GAB4: variants seen among roughly 807,000 people sequenced by gnomAD.
The protein encoded by GAB4 is GRB2-associated-binding protein 4.
A neutral mutation model predicts 51.3 loss-of-function variants in GAB4; 26 were observed. The ratio of observed to expected loss-of-function variants is 0.51; its 90% confidence interval spans 0.37 to 0.70. The LOEUF (loss-of-function observed/expected upper bound fraction) is 0.70. Ranked by LOEUF, GAB4 falls within the 30% of genes least tolerant of loss-of-function variation. The probability of loss-of-function intolerance (pLI) is 0.00; values close to 1 mark genes in which losing one functional copy is unlikely to be tolerated. For missense variants in GAB4, 759 were observed against 734.6 expected, an observed-to-expected ratio of 1.03 and a Z score of -0.38; for synonymous variants, 329 against 291.2, an observed-to-expected ratio of 1.13 and a Z score of -1.32.
At chr22:16,971,344 C>T (rs1314471819) in intron 3 of GAB4, among the ~76,000 whole-genome samples, 5 of 152,328 alleles carry the variant, frequency 3.3e-5, no homozygotes, top group African/African-American at 9.6e-5. Context: ...ACCCCAGACA[C>T]GACCCAGCGT....
chr22:16,990,391 C>T (rs2060904181), intron 2 of GAB4, among the ~76,000 whole-genome samples: 1 of 152,136 alleles, frequency 6.6e-6, no homozygotes, highest in African/African-American at 2.4e-5. Flanking sequence ...GTGTGTAACA[C>T]AGTAAGTATG....
At chr22:16,987,832 A>G (rs1490702688) in intron 3 of GAB4, 128 bp downstream of exon 3, 2 of 687,886 alleles carry the variant, frequency 2.9e-6, no homozygotes, top group African/African-American at 1.8e-5. Context: ...ATGTTGTTAT[A>G]TATGTTTGCT....
chr22:16,962,490 C>T lies in GAB4; in HGVS notation c.*243G>A, dbSNP rs574306376. 1.3e-4 allele frequency: 48 copies of T among 370,334 alleles called. 1 individual carries two copies. In the Middle Eastern group the frequency reaches 2.9e-3, roughly 22 times the overall value. 22.9% of individuals were successfully genotyped at this position (370,334 alleles called of 1,614,324 possible). On this transcript the variant is annotated 3_prime_UTR_variant, in exon 10 of 10. Coordinates refer to ENST00000400588, the MANE Select transcript of GAB4 (RefSeq NM_001037814.1). ...TGAGAGTGGAAATCTGTTGGGAGCC[C>T]GGGTCTGAGGGGCAGGAAGAGACTG...
chr22:17,005,548 A>G (rs1186329804), intron 1 of GAB4, among the ~76,000 whole-genome samples: 1 of 152,236 alleles, frequency 6.6e-6, no homozygotes, highest in African/African-American at 2.4e-5. Flanking sequence ...AGCCAAGACA[A>G]TCCTAAGCAA....
At chr22:16,989,727 C>T (rs1460580395) in intron 2 of GAB4, among the ~76,000 whole-genome samples, 1 of 152,208 alleles carries the variant, frequency 6.6e-6, no homozygotes, top group Non-Finnish European at 1.5e-5. Flanking sequence ...AGGGTGCAGC[C>T]TGGGAAGCTC....
chr22:16,962,305 C>A lies in GAB4; in HGVS notation c.*428G>T, dbSNP rs2060635944. 1 of 156,786 alleles carries A rather than the reference C, an allele frequency of 6.4e-6. No homozygotes were observed. The highest frequency in any genetic ancestry group is 2.4e-5 in the African/African-American group (1 of 41,654). The allele number at this position is 156,786 out of a possible 1,614,324, so 9.7% of individuals were successfully genotyped here. On this transcript the variant is annotated 3_prime_UTR_variant, in exon 10 of 10. Transcript: ENST00000400588. ...ACTATTCCAACGTTTGATGGCCTTG[C>A]CTCTCCCCTGACCAAAAAATGCCAG...
intron 2 of GAB4, among the ~76,000 whole-genome samples, chr22:16,990,537 C>A (rs1403419595): frequency 2.0e-5 from 3 of 152,064 alleles, no homozygotes; most frequent in South Asian, 2.1e-4. Flanking sequence ...CCCACTAACC[C>A]TGTCCTGTCA....
At chr22:17,001,046 A>C (rs1224309599) in intron 1 of GAB4, among the ~76,000 whole-genome samples, 2 of 152,126 alleles carry the variant, frequency 1.3e-5, no homozygotes, top group Non-Finnish European at 2.9e-5. Context: ...GGGTAATCTG[A>C]CCTTTCTCTC....
intron 1 of GAB4, among the ~76,000 whole-genome samples, chr22:16,999,052 T>C (rs932254521): frequency 3.9e-5 from 6 of 152,366 alleles, no homozygotes; most frequent in African/African-American, 1.4e-4. Flanking sequence ...CACTATTTTA[T>C]TGAGCATTTT....
intron 3 of GAB4, among the ~76,000 whole-genome samples, chr22:16,985,648 T>C (rs1442766070): frequency 6.6e-6 from 1 of 152,256 alleles, no homozygotes; most frequent in Non-Finnish European, 1.5e-5. Context: ...AACTTTTCTG[T>C]AGAAACTACA....
At chr22:17,001,704 C>T (rs529217081) in intron 1 of GAB4, among the ~76,000 whole-genome samples, 12 of 152,280 alleles carry the variant, frequency 7.9e-5, no homozygotes, top group Middle Eastern at 3.4e-3. Flanking sequence ...TGCTTTCCTT[C>T]GGAGGAGAAG....
chr22:16,969,857 G>A, intron 4 of GAB4, 86 bp downstream of exon 4: 2 of 1,482,378 alleles, frequency 1.3e-6, no homozygotes, highest in Non-Finnish European at 1.9e-6. Context: ...CTGAGAGTGG[G>A]GTGGCCGGAA....
At chr22:16,998,851 G>C (rs757684421) in intron 1 of GAB4, among the ~76,000 whole-genome samples, 1 of 152,130 alleles carries the variant, frequency 6.6e-6, no homozygotes, top group Admixed American at 6.6e-5. Context: ...TAGCATGAAG[G>C]GCTGTTGAAT....
chr22:16,975,352 G>A (rs1416387486), intron 3 of GAB4, among the ~76,000 whole-genome samples: 6 of 152,188 alleles, frequency 3.9e-5, no homozygotes, highest in Admixed American at 2.6e-4. Flanking sequence ...ACTGAGGCAT[G>A]AATAGGCGGT....
At chr22:16,999,773 C>T (rs2060981279) in intron 1 of GAB4, among the ~76,000 whole-genome samples, 1 of 152,184 alleles carries the variant, frequency 6.6e-6, no homozygotes. Context: ...CTCTTGTGGG[C>T]ATTTAGTGCT....
At chr22:16,966,541 C>A in intron 5 of GAB4, 177 bp from the exon 6 acceptor site, 1 of 667,566 alleles carries the variant, frequency 1.5e-6, no homozygotes, top group East Asian at 2.7e-5. Flanking sequence ...AGAAGTGCCC[C>A]AGCCAGGAAC....
intron 3 of GAB4, among the ~76,000 whole-genome samples, chr22:16,977,917 T>C (rs1447615769): frequency 4.6e-5 from 7 of 152,152 alleles, no homozygotes; most frequent in Non-Finnish European, 1.0e-4. Flanking sequence ...AACAACCTGT[T>C]CCTGAATTTA....
At chr22:16,993,487 CT>C (rs2060929115) in intron 1 of GAB4, among the ~76,000 whole-genome samples, 1 of 152,198 alleles carries the variant, frequency 6.6e-6, no homozygotes, top group Non-Finnish European at 1.5e-5. Flanking sequence ...CCTTTTACCC[CT>C]GTTATTTTCC....
At chr22:16,991,301 T>C (rs73147665) in intron 2 of GAB4, among the ~76,000 whole-genome samples, 3,264 of 149,150 alleles carry the variant, frequency 0.022, 58 homozygotes, top group Middle Eastern at 0.065. Context: ...TTAGACCATA[T>C]ATCTGCCTCA....
Sources: gnomAD v4.1 joint callset for allele counts (sites outside exome capture counted in the v4.1 genomes callset) on GRCh38, gnomAD v4.1.1 for gene constraint, MANE v1.5 for transcripts, NCBI Gene and HGNC (gene_info 2026-07-23, HGNC 2026-07-21) for gene names.